Variants in ADGRD1 observed in about 807,000 individuals in gnomAD.
ADGRD1 encodes G-protein coupled receptor 133.
ADGRD1 carries 77 observed loss-of-function variants against 113.4 expected under a neutral mutation model. The ratio of observed to expected loss-of-function variants is 0.68; its 90% CI spans 0.57 to 0.82. ADGRD1 has a LOEUF of 0.82. Ranked by LOEUF, ADGRD1 falls within the 40% of genes least tolerant of loss-of-function variation. ADGRD1 has a pLI of 0.00. For missense variants in ADGRD1, 1,036 were observed against 1,139.1 expected (o/e 0.91, Z 1.30); for synonymous variants, 474 against 475.0 (o/e 1.00, Z 0.03).
intron 13 of ADGRD1, chr12:131,026,360 T>A (rs1304889677): frequency 1.3e-5 from 2 of 151,690 alleles, no homozygotes; most frequent in Non-Finnish European, 2.9e-5. Context: ...CGGGAGTCCT[T>A]TGCCACTGAC....
chr12:131,064,378 T>C (rs1593147297), intron 13 of ADGRD1, among the ~76,000 whole-genome samples: 1 of 152,336 alleles, frequency 6.6e-6, no homozygotes, highest in East Asian at 1.9e-4. Context: ...GATATTGGAT[T>C]TTGTTGGTTT....
intron 13 of ADGRD1, among the ~76,000 whole-genome samples, chr12:131,071,881 A>G (rs1330712526): frequency 6.6e-6 from 1 of 150,882 alleles, no homozygotes; most frequent in African/African-American, 2.4e-5. Flanking sequence ...TCTCGGAGAC[A>G]TCGCAGCTGC....
chr12:131,001,614 C>T (rs143704007), intron 9 of ADGRD1, among the ~76,000 whole-genome samples: 2,481 of 152,312 alleles, frequency 0.016, 37 homozygotes, highest in Non-Finnish European at 0.026. Context: ...CTCAGTGGCT[C>T]AGCACAGTAG....
rs184211747 is a variant in ADGRD1 at position 131,104,778 on chromosome 12, C to T, written c.1672-53C>T. The stretch of plus-strand genomic sequence containing the variant: ...CACCTGGGCCCTCTGCAGCTTCAGG[C>T]TCCGATGGGGTGCCTGGGCCTGCTG... On this transcript the variant is annotated intron_variant, in intron 15 of 24. Transcript: ENST00000261654. 5.1e-4 allele frequency: 671 copies of T among 1,316,284 alleles called. 13 individuals are homozygous for T. The Admixed American group carries it at 0.012, about 24-fold the overall frequency. The allele number at this position is 1,316,284 out of a possible 1,614,324, so 81.5% of individuals were successfully genotyped here.
Position 131,104,826 on chromosome 12 carries a change from C to A in ADGRD1, c.1672-5C>A. ...CTGCTGACGCCTCTGCTCTGCTCCC[C>A]GCAGCTTGCACGCGGACACCAGGTG... On this transcript the variant is annotated splice_polypyrimidine_tract_variant and splice_region_variant and intron_variant, in intron 15 of 24. Coordinates refer to ENST00000261654, the MANE Select transcript of ADGRD1 (RefSeq NM_198827.5). 6.5e-7 allele frequency: 1 copy of A among 1,544,864 alleles called. No homozygotes were observed. The highest frequency in any genetic ancestry group is 8.7e-7 in the Non-Finnish European group (1 of 1,145,754).
chr12:131,115,592 G>T (rs1394462952), intron 18 of ADGRD1, among the ~76,000 whole-genome samples: 3 of 152,112 alleles, frequency 2.0e-5, no homozygotes, highest in Non-Finnish European at 2.9e-5. Flanking sequence ...CAATCTTAGG[G>T]GGCAGATGCC....
At chr12:131,032,940 C>T (rs1880951035) in intron 13 of ADGRD1, among the ~76,000 whole-genome samples, 1 of 115,044 alleles carries the variant, frequency 8.7e-6, no homozygotes, top group African/African-American at 3.3e-5. Context: ...GCCACCCCGT[C>T]ACAGAGGTGA....
chr12:130,972,207 C>T (rs1593275359), intron 4 of ADGRD1, among the ~76,000 whole-genome samples: 2 of 152,200 alleles, frequency 1.3e-5, no homozygotes, highest in South Asian at 2.1e-4. Context: ...AGGCAATGCA[C>T]GTCTGGATCA....
chr12:130,959,560 G>A (rs1265067778), intron 2 of ADGRD1, among the ~76,000 whole-genome samples: 1 of 152,152 alleles, frequency 6.6e-6, no homozygotes, highest in Admixed American at 6.5e-5. Flanking sequence ...GACAGAGTGA[G>A]ACCCTGTCTC....
At chr12:131,032,498 C>G (rs1276763256) in intron 13 of ADGRD1, among the ~76,000 whole-genome samples, 1 of 152,336 alleles carries the variant, frequency 6.6e-6, no homozygotes, top group Non-Finnish European at 1.5e-5. Context: ...TTGCTGCAGG[C>G]CCGGGTGCCA....
intron 24 of ADGRD1, among the ~76,000 whole-genome samples, chr12:131,138,873 G>T (rs555197449): frequency 1.3e-5 from 2 of 152,212 alleles, no homozygotes; most frequent in Non-Finnish European, 2.9e-5. Flanking sequence ...ATGCATGGGG[G>T]TGAAAGCGTG....
chr12:131,135,747 C>T (rs1951062459), intron 21 of ADGRD1, among the ~76,000 whole-genome samples: 3 of 152,320 alleles, frequency 2.0e-5, no homozygotes, highest in South Asian at 4.1e-4. Flanking sequence ...CAAATGCAAG[C>T]CCTGGGCCTG....
rs1172344630 is a variant in ADGRD1, at chr12:130,966,824, G to A, written c.187+278G>A. ...TTTTGTAGAGATGGGGTCTTGCTAT[G>A]TTGCCAGGCTGGTCTCAAGCTCCTG... On this transcript the variant is annotated intron_variant, in intron 3 of 24. Coordinates refer to ENST00000261654, the MANE Select transcript of ADGRD1 (RefSeq NM_198827.5). This position sits in a 1 kb window ranked among gnomAD's most constrained non-coding sequence, Gnocchi z 4.6. 12 of 409,100 alleles carry A rather than the reference G, an allele frequency of 2.9e-5. No individual in the cohort carries two copies. Among genetic ancestry groups the A allele is most frequent in the African/African-American group, 2.5e-4 (12 of 48,608 alleles). The allele number at this position is 409,100 out of a possible 1,614,324, so 25.3% of individuals were successfully genotyped here.
intron 13 of ADGRD1, among the ~76,000 whole-genome samples, chr12:131,046,202 TC>T (rs373945966): frequency 0.65 from 39,325 of 60,702 alleles, 11,574 homozygotes; most frequent in East Asian, 0.82. Flanking sequence ...TGGTCAGTGC[TC>T]CCTCCCTGGT....
intron 15 of ADGRD1, among the ~76,000 whole-genome samples, chr12:131,095,632 A>T (rs1202183409): frequency 6.6e-6 from 1 of 152,174 alleles, no homozygotes; most frequent in Admixed American, 6.5e-5. Flanking sequence ...GGGCAGATGG[A>T]CGCATAGCCC....
intron 13 of ADGRD1, among the ~76,000 whole-genome samples, chr12:131,029,981 G>A (rs1880480579): frequency 6.6e-6 from 1 of 150,870 alleles, no homozygotes; most frequent in African/African-American, 2.4e-5. Context: ...GTTAGGTTGT[G>A]GACCCCTCTT....
intron 9 of ADGRD1, chr12:131,002,622 G>A: frequency 3.7e-6 from 4 of 1,084,116 alleles, no homozygotes; most frequent in Non-Finnish European, 4.5e-6. Flanking sequence ...CTTGGGGGCA[G>A]TGTCTACCAG....
chr12:131,093,405 C>T (rs372242799), intron 15 of ADGRD1, among the ~76,000 whole-genome samples: 3 of 152,228 alleles, frequency 2.0e-5, no homozygotes, highest in Non-Finnish European at 4.4e-5. Flanking sequence ...GAGGCAGGAA[C>T]GGCAGTGCAG....
intron 2 of ADGRD1, among the ~76,000 whole-genome samples, chr12:130,961,536 G>T (rs1356918061): frequency 6.6e-6 from 1 of 152,014 alleles, no homozygotes; most frequent in East Asian, 1.9e-4. Flanking sequence ...TTGCTTGGCT[G>T]GCTGACCTGC....
Sources: gnomAD v4.1 joint callset for allele counts (sites outside exome capture counted in the v4.1 genomes callset) on GRCh38, gnomAD v4.1.1 for gene constraint, Gnocchi (gnomAD v3.1) non-coding constraint, MANE v1.5 for transcripts, NCBI Gene and HGNC (gene_info 2026-07-23, HGNC 2026-07-21) for gene names.